XKR4: variants seen among roughly 807,000 people sequenced by gnomAD.
XKR4 encodes the protein XK related 4, also known as XK-related protein 4.
A neutral mutation model predicts 53.9 loss-of-function variants in XKR4; 12 were observed. The observed-to-expected ratio is 0.22, with a 90% confidence interval of 0.14 to 0.36. The LOEUF is 0.36. Ranked by LOEUF, XKR4 falls within the 10% of genes least tolerant of loss-of-function variation. XKR4 has a pLI of 1.00. For missense variants in XKR4, 799 were observed against 859.5 expected, an observed-to-expected ratio of 0.93 and a Z score of 0.88; for synonymous variants, 354 against 362.4, an observed-to-expected ratio of 0.98 and a Z score of 0.26.
rs148495107 is a variant in XKR4 at position 55,254,305 on chromosome 8, C to T, written c.807-103373C>T. ...GGTGCTGTGAGAATGGACCTGAACA[C>T]ATTTTAAACACACTGTAACTGTTTG... On this transcript the variant is annotated intron_variant, in intron 1 of 2. Coordinates refer to ENST00000327381, the MANE Select transcript of XKR4 (RefSeq NM_052898.2). 1.4e-3 allele frequency among the ~76,000 whole-genome samples: 213 copies of T among 152,102 alleles called. No homozygotes were observed. In the East Asian group the frequency reaches 0.034, roughly 25 times the overall value.
intron 1 of XKR4, among the ~76,000 whole-genome samples, chr8:55,338,489 G>A (rs948252779): frequency 6.6e-6 from 1 of 152,186 alleles, no homozygotes; most frequent in African/African-American, 2.4e-5. Context: ...ACAGGATAGA[G>A]GGGGGCATTT....
chr8:55,113,650 T>C lies in XKR4; in HGVS notation c.806+10356T>C, dbSNP rs148099846. On this transcript the variant is annotated intron_variant, in intron 1 of 2. Transcript: ENST00000327381. ...GGATACATTGTATAGTGGTGAAGTC[T>C]GGGCTTTTAGTGTACCTGTCACCCA... Among the ~76,000 whole-genome samples the C allele has an allele frequency of 3.4e-3, 514 of 152,326 alleles. 3 individuals are homozygous for C. Among genetic ancestry groups the C allele is most frequent in the African/African-American group, 0.012 (502 of 41,578 alleles).
chr8:55,162,844 CA>C (rs1438914904), intron 1 of XKR4, among the ~76,000 whole-genome samples: 1 of 152,128 alleles, frequency 6.6e-6, no homozygotes, highest in African/African-American at 2.4e-5. Context: ...TATATATGCA[CA>C]TATGAAATAG....
At chr8:55,113,791 T>C (rs1250635141) in intron 1 of XKR4, among the ~76,000 whole-genome samples, 2 of 152,252 alleles carry the variant, frequency 1.3e-5, no homozygotes, top group South Asian at 2.1e-4. Context: ...TGTGTACCCA[T>C]TGTTTAGCTC....
At chr8:55,296,480 C>T (rs1819102810) in intron 1 of XKR4, among the ~76,000 whole-genome samples, 1 of 152,116 alleles carries the variant, frequency 6.6e-6, no homozygotes, top group South Asian at 2.1e-4. Flanking sequence ...TAATTAATTA[C>T]CTTTTCAAAA....
intron 2 of XKR4, among the ~76,000 whole-genome samples, chr8:55,509,695 G>A (rs914859426): frequency 6.6e-6 from 1 of 152,146 alleles, no homozygotes; most frequent in Non-Finnish European, 1.5e-5. Context: ...ACTGGCTTTG[G>A]TACTCCTGAA....
intron 2 of XKR4, among the ~76,000 whole-genome samples, chr8:55,488,396 C>A (rs1351764377): frequency 6.6e-6 from 1 of 152,166 alleles, no homozygotes; most frequent in Non-Finnish European, 1.5e-5. Flanking sequence ...CAAATGTTTA[C>A]AACAACTTTA....
At chr8:55,293,736 ATT>A (rs1819063131) in intron 1 of XKR4, among the ~76,000 whole-genome samples, 2 of 152,150 alleles carry the variant, frequency 1.3e-5, no homozygotes, top group Admixed American at 1.3e-4. Flanking sequence ...TTATACGCTA[ATT>A]TTGTTTCTTT....
intron 2 of XKR4, among the ~76,000 whole-genome samples, chr8:55,477,688 A>G (rs980325467): frequency 1.1e-4 from 16 of 140,566 alleles, no homozygotes; most frequent in Admixed American, 1.4e-4. Flanking sequence ...TAACTAGGAT[A>G]ACCAACGCAG....
At chr8:55,450,894 T>A in intron 2 of XKR4, 1 of 475,532 alleles carries the variant, frequency 2.1e-6, no homozygotes, top group Non-Finnish European at 4.0e-6. Flanking sequence ...CACCGACACC[T>A]GCAGCAGCTT....
chr8:55,110,343 C>T (rs1338787210), intron 1 of XKR4, among the ~76,000 whole-genome samples: 1 of 152,120 alleles, frequency 6.6e-6, no homozygotes, highest in Non-Finnish European at 1.5e-5. Flanking sequence ...CATGGCTGGT[C>T]AGGAAGGAAG....
chr8:55,452,117 G>T (rs1425041684), intron 2 of XKR4: 5 of 691,420 alleles, frequency 7.2e-6, no homozygotes, highest in East Asian at 2.6e-5. Flanking sequence ...TGAAGGAGAA[G>T]GTGGCCCTGA....
chr8:55,453,786 G>C lies in XKR4; in HGVS notation c.1007-69495G>C, dbSNP rs1215725594. ...AGCTGCTCTACCAGTTCTTGGATGT[G>C]ATGCAGGACTCATTGGGGGTGGTTC... On this transcript the variant is annotated intron_variant, in intron 2 of 2. Coordinates refer to ENST00000327381, the MANE Select transcript of XKR4 (RefSeq NM_052898.2). 94 of 416,094 alleles carry C rather than the reference G, an allele frequency of 2.3e-4. 1 individual carries two copies. Among genetic ancestry groups the C allele is most frequent in the South Asian group, 1.9e-3 (94 of 50,394 alleles). 25.8% of individuals were successfully genotyped at this position (416,094 alleles called of 1,614,324 possible).
chr8:55,337,920 A>G (rs1259981439), intron 1 of XKR4, among the ~76,000 whole-genome samples: 2 of 152,180 alleles, frequency 1.3e-5, no homozygotes, highest in African/African-American at 4.8e-5. Flanking sequence ...ACATTTGGTT[A>G]CCTTGCTGCC....
intron 2 of XKR4, chr8:55,451,420 C>A: frequency 2.7e-6 from 3 of 1,129,860 alleles, no homozygotes; most frequent in South Asian, 1.4e-5. Flanking sequence ...ACTGGAGTAG[C>A]GGGGCATGGA....
chr8:55,202,264 G>A (rs924457003), intron 1 of XKR4, among the ~76,000 whole-genome samples: 7 of 152,192 alleles, frequency 4.6e-5, no homozygotes, highest in African/African-American at 1.7e-4. Flanking sequence ...CAGCCAGTTG[G>A]CTCGTGGCCT....
chr8:55,137,117 A>T (rs529856624), intron 1 of XKR4, among the ~76,000 whole-genome samples: 1 of 152,282 alleles, frequency 6.6e-6, no homozygotes, highest in South Asian at 2.1e-4. Flanking sequence ...TATGTCTAGT[A>T]ATCTCCTAGA....
chr8:55,254,178 A>G (rs894691886), intron 1 of XKR4, among the ~76,000 whole-genome samples: 1 of 152,096 alleles, frequency 6.6e-6, no homozygotes, highest in African/African-American at 2.4e-5. Flanking sequence ...TGTCAAAAAG[A>G]AAGAGAGAGA....
chr8:55,182,530 G>A (rs1817324553), intron 1 of XKR4, among the ~76,000 whole-genome samples: 1 of 152,022 alleles, frequency 6.6e-6, no homozygotes, highest in Non-Finnish European at 1.5e-5. Flanking sequence ...GGATGTCTAG[G>A]GTTTCTTTTT....
Sources: allele counts gnomAD v4.1 joint callset (sites outside exome capture counted in the v4.1 genomes callset), GRCh38; gene constraint gnomAD v4.1.1; transcripts MANE v1.5; gene names NCBI Gene and HGNC (gene_info 2026-07-23, HGNC 2026-07-21).